FRMPD2: variants seen among roughly 807,000 people sequenced by gnomAD.
FRMPD2 encodes FERM and PDZ domain containing 2, also known as FERM and PDZ domain-containing protein 2.
In FRMPD2, 96 loss-of-function variants were observed where a neutral mutation model predicts 140.1. The observed-to-expected ratio is 0.69, with a 90% confidence interval of 0.58 to 0.81. The LOEUF (loss-of-function observed/expected upper bound fraction) is 0.81, where lower values mean the gene tolerates loss of function less well. FRMPD2 is among the 40% of genes least tolerant of loss of function. The probability of loss-of-function intolerance (pLI) is 0.00; values close to 1 mark genes in which losing one functional copy is unlikely to be tolerated. For synonymous variants in FRMPD2, 449 were observed against 547.6 expected, an observed-to-expected ratio of 0.82 and a Z score of 2.52; for missense variants, 1,240 against 1,447.4, an observed-to-expected ratio of 0.86 and a Z score of 2.32.
At position 48,191,690 on chromosome 10, in the gene FRMPD2, G is replaced by C. The variant is rs571188724; in HGVS notation, c.2165+994C>G. On this transcript the variant is annotated intron_variant, in intron 16 of 28. Coordinates refer to ENST00000374201, the MANE Select transcript of FRMPD2 (RefSeq NM_001018071.4). ...CTGGAAAACTCATCCCAAAAAAACA[G>C]CTCCTGCAGCAACCTTCATTGGTCA... is the stretch of plus-strand genomic sequence containing the variant. Among the ~76,000 whole-genome samples, 4 of 152,306 alleles carry C rather than the reference G, an allele frequency of 2.6e-5. No individual in the cohort carries two copies. In the South Asian group the frequency reaches 8.3e-4, roughly 32 times the overall value.
chr10:48,218,838 C>T lies in FRMPD2; in HGVS notation c.1455+3475G>A, dbSNP rs180849392. ...AGGCTCCAAAGTAAGAGTGATTGGG[C>T]TGGAAGCTTGTCACAGGGATGCTGG... On this transcript the variant is annotated intron_variant, in intron 12 of 28. Coordinates refer to ENST00000374201, the MANE Select transcript of FRMPD2 (RefSeq NM_001018071.4). Among the ~76,000 whole-genome samples the T allele has an allele frequency of 3.2e-3, 492 of 152,318 alleles. 1 individual carries two copies. The highest frequency in any genetic ancestry group is 5.2e-3 in the Non-Finnish European group (352 of 68,028).
intron 10 of FRMPD2, among the ~76,000 whole-genome samples, chr10:48,225,517 G>A (rs935430448): frequency 6.6e-6 from 1 of 152,116 alleles, no homozygotes; most frequent in African/African-American, 2.4e-5. Context: ...TCATCTTTTT[G>A]TCTCAAAACA....
At chr10:48,204,295 CG>C (rs1340471619) in intron 14 of FRMPD2, among the ~76,000 whole-genome samples, 12 of 152,140 alleles carry the variant, frequency 7.9e-5, no homozygotes, top group Non-Finnish European at 1.2e-4. Flanking sequence ...ACACATGACA[CG>C]TTTTTTTTTA....
rs542955585 is a variant in FRMPD2, at chr10:48,175,309, T to A, written c.2990-354A>T. Among the ~76,000 whole-genome samples, 34 of 152,266 alleles carry A rather than the reference T, an allele frequency of 2.2e-4. No homozygotes were observed. In the South Asian group the frequency reaches 6.4e-3, roughly 29 times the overall value. ...TTATATCTCCAGCATGTATTTTTTT[T>A]ATTTCAAAAAAAGGTCAGGGAGGCA... On this transcript the variant is annotated intron_variant, in intron 23 of 28. Transcript: ENST00000374201.
intron 14 of FRMPD2, among the ~76,000 whole-genome samples, chr10:48,203,425 G>T (rs747727206): frequency 1.3e-5 from 2 of 152,160 alleles, no homozygotes; most frequent in Non-Finnish European, 2.9e-5. Flanking sequence ...CAGTCTCTGG[G>T]TTTTCAGCAC....
intron 16 of FRMPD2, among the ~76,000 whole-genome samples, chr10:48,192,347 C>T (rs529460559): frequency 2.6e-5 from 4 of 152,042 alleles, no homozygotes; most frequent in Admixed American, 2.0e-4. Flanking sequence ...TTTGGGAGGC[C>T]GAGGAGGGTG....
intron 17 of FRMPD2, among the ~76,000 whole-genome samples, chr10:48,186,127 C>T (rs1431796753): frequency 6.6e-6 from 1 of 152,254 alleles, no homozygotes; most frequent in Non-Finnish European, 1.5e-5. Context: ...GACCTGTGGT[C>T]TTCCCCTGGC....
chr10:48,227,250 T>C (rs1839745019), intron 10 of FRMPD2, among the ~76,000 whole-genome samples: 3 of 152,332 alleles, frequency 2.0e-5, no homozygotes, highest in Middle Eastern at 3.4e-3. Context: ...TTAATCTCTG[T>C]CTTCTGTGTG....
chr10:48,174,303 C>G (rs1466110998), intron 24 of FRMPD2, among the ~76,000 whole-genome samples: 35 of 149,632 alleles, frequency 2.3e-4, no homozygotes, highest in African/African-American at 8.4e-4. Flanking sequence ...GGGATAACAT[C>G]GAGTCACTGC....
At chr10:48,235,478 T>A (rs918720381) in intron 9 of FRMPD2, among the ~76,000 whole-genome samples, 4 of 152,004 alleles carry the variant, frequency 2.6e-5, no homozygotes, top group Non-Finnish European at 5.9e-5. Flanking sequence ...GACAGGGGGG[T>A]GCATGGAAGC....
At chr10:48,195,237 A>C (rs550835208) in intron 15 of FRMPD2, among the ~76,000 whole-genome samples, 1 of 152,380 alleles carries the variant, frequency 6.6e-6, no homozygotes, top group East Asian at 1.9e-4. Context: ...ACAGCTGAGC[A>C]AAGGCCCATG....
intron 2 of FRMPD2, among the ~76,000 whole-genome samples, chr10:48,250,558 G>A (rs375884360): frequency 6.6e-6 from 1 of 151,834 alleles, no homozygotes; most frequent in East Asian, 1.9e-4. Context: ...ACGCCACCAC[G>A]CCCGGCTAAT....
intron 13 of FRMPD2, 88 bp from the exon 14 acceptor site, chr10:48,207,021 TGATA>T: frequency 8.9e-7 from 1 of 1,117,882 alleles, no homozygotes; most frequent in East Asian, 2.5e-5. Flanking sequence ...CAAAACACAC[TGATA>T]GGCGTTCTGA....
rs118136731 is a variant in FRMPD2 at position 48,273,369 on chromosome 10, C to T, written c.25+1174G>A. 4.9e-4 allele frequency among the ~76,000 whole-genome samples: 74 copies of T among 152,304 alleles called. 1 individual carries two copies. In the East Asian group the frequency reaches 0.012, roughly 25 times the overall value. ...GAGTGAACTCTGGGCCATAGAAGGC[C>T]TTCCTTGCTCTCCCCTGTTCACCTC... is the stretch of plus-strand genomic sequence containing the variant. On this transcript the variant is annotated intron_variant, in intron 1 of 28. Coordinates refer to ENST00000374201, the MANE Select transcript of FRMPD2 (RefSeq NM_001018071.4).
intron 7 of FRMPD2, 40 bp downstream of exon 7, chr10:48,239,565 C>T: frequency 6.8e-7 from 1 of 1,465,748 alleles, no homozygotes; most frequent in Non-Finnish European, 9.6e-7. Context: ...ACCTATGTCT[C>T]ACATCAAGTT....
chr10:48,268,908 A>G (rs984586231), intron 1 of FRMPD2, among the ~76,000 whole-genome samples: 1 of 152,232 alleles, frequency 6.6e-6, no homozygotes, highest in African/African-American at 2.4e-5. Context: ...GAGGAAGAGT[A>G]TAGGGACTTC....
intron 4 of FRMPD2, 50 bp downstream of exon 4, chr10:48,244,734 T>A: frequency 7.0e-7 from 1 of 1,431,110 alleles, no homozygotes; most frequent in Non-Finnish European, 9.9e-7. Context: ...AACCACTAAA[T>A]AAACCCAGAG....
chr10:48,172,794 G>C, intron 25 of FRMPD2, 152 bp downstream of exon 25: 3 of 738,346 alleles, frequency 4.1e-6, no homozygotes, highest in Non-Finnish European at 4.7e-6. Flanking sequence ...GGCTTCCATG[G>C]CATGAAAAAG....
intron 13 of FRMPD2, among the ~76,000 whole-genome samples, chr10:48,211,361 G>C (rs1399506087): frequency 6.6e-6 from 1 of 152,254 alleles, no homozygotes; most frequent in Non-Finnish European, 1.5e-5. Flanking sequence ...GCTGCCTGCA[G>C]GGCTGCAAAC....
Sources: allele counts gnomAD v4.1 joint callset (sites outside exome capture counted in the v4.1 genomes callset), GRCh38; gene constraint gnomAD v4.1.1; transcripts MANE v1.5; gene names NCBI Gene and HGNC (gene_info 2026-07-23, HGNC 2026-07-21).